RPAP2: variants seen among roughly 807,000 people sequenced by gnomAD.
The protein encoded by RPAP2 is putative RNA polymerase II subunit B1 CTD phosphatase RPAP2.
A neutral mutation model predicts 73.1 loss-of-function variants in RPAP2; 52 were observed. That is an observed-to-expected ratio of 0.71 (90% CI 0.57 to 0.90). The LOEUF (loss-of-function observed/expected upper bound fraction) is 0.90. Ranked by LOEUF, RPAP2 falls within the 40% of genes least tolerant of loss-of-function variation. RPAP2 has a pLI of 0.00. For missense variants in RPAP2, 598 were observed against 701.8 expected (o/e 0.85, Z 1.67); for synonymous variants, 225 against 242.1 (o/e 0.93, Z 0.65).
chr1:92,329,575 T>G (rs2101208836), intron 8 of RPAP2, among the ~76,000 whole-genome samples: 1 of 152,286 alleles, frequency 6.6e-6, no homozygotes, highest in South Asian at 2.1e-4. Context: ...TTCTGGTATG[T>G]TTCTGCGGTA....
At chr1:92,356,717 G>A (rs917572147) in intron 11 of RPAP2, among the ~76,000 whole-genome samples, 1 of 150,798 alleles carries the variant, frequency 6.6e-6, no homozygotes, top group African/African-American at 2.4e-5. Flanking sequence ...TTACAGGCAT[G>A]AGCCACCACA....
chr1:92,356,081 C>G (rs944689733), intron 11 of RPAP2, among the ~76,000 whole-genome samples: 11 of 152,042 alleles, frequency 7.2e-5, no homozygotes, highest in African/African-American at 2.7e-4. Context: ...TTACAGAATC[C>G]TCACTCCAAC....
intron 12 of RPAP2, among the ~76,000 whole-genome samples, chr1:92,382,233 T>A (rs1655673862): frequency 6.6e-6 from 1 of 152,220 alleles, no homozygotes; most frequent in South Asian, 2.1e-4. Flanking sequence ...TAAACATATG[T>A]GTGCATGTGT....
At chr1:92,343,924 A>G (rs1467066937) in intron 10 of RPAP2, among the ~76,000 whole-genome samples, 1 of 152,170 alleles carries the variant, frequency 6.6e-6, no homozygotes, top group East Asian at 1.9e-4. Context: ...TTTCAGATGG[A>G]CGGAATAGCT....
chr1:92,307,340 G>T, intron 6 of RPAP2, 64 bp downstream of exon 6: 1 of 1,072,834 alleles, frequency 9.3e-7, no homozygotes, highest in Non-Finnish European at 1.4e-6. Flanking sequence ...TCTGCTTTTT[G>T]AGATTAGCTG....
At chr1:92,365,423 T>C (rs1654895552) in intron 11 of RPAP2, among the ~76,000 whole-genome samples, 1 of 152,146 alleles carries the variant, frequency 6.6e-6, no homozygotes, top group Non-Finnish European at 1.5e-5. Context: ...GATTCAAAGA[T>C]TTTGATTCAT....
intron 11 of RPAP2, among the ~76,000 whole-genome samples, chr1:92,362,288 C>G (rs1338777260): frequency 6.6e-6 from 1 of 152,180 alleles, no homozygotes; most frequent in Non-Finnish European, 1.5e-5. Context: ...CTTCCTGCCT[C>G]TGGCTTTTCT....
At chr1:92,364,523 C>G (rs1654858307) in intron 11 of RPAP2, among the ~76,000 whole-genome samples, 1 of 151,966 alleles carries the variant, frequency 6.6e-6, no homozygotes, top group Admixed American at 6.6e-5. Flanking sequence ...TGCTGGGCAC[C>G]TTCATTTGGA....
Position 92,388,173 on chromosome 1 carries a change from A to C in RPAP2, c.*1162A>C, listed in dbSNP as rs955670278. 1.3e-5 allele frequency: 2 copies of C among 152,250 alleles called. No homozygotes were observed. The highest frequency in any genetic ancestry group is 2.9e-5 in the Non-Finnish European group (2 of 68,050). The allele number at this position is 152,250 out of a possible 1,614,324, so 9.4% of individuals were successfully genotyped here. ...AAATAAAGAAAATTGTGTTCACAAT[A>C]TCACCAAAGAGAATTAAATACTTAG... On this transcript the variant is annotated 3_prime_UTR_variant, in exon 13 of 13. Transcript: ENST00000610020.
chr1:92,332,880 C>T (rs903234115), intron 8 of RPAP2, among the ~76,000 whole-genome samples: 1 of 152,102 alleles, frequency 6.6e-6, no homozygotes. Context: ...TTTATAGCCT[C>T]GTTAGCTCTC....
chr1:92,378,816 C>T (rs144524367), intron 11 of RPAP2, among the ~76,000 whole-genome samples: 2 of 152,276 alleles, frequency 1.3e-5, no homozygotes, highest in East Asian at 3.9e-4. Context: ...TTGGGTAGTC[C>T]TATTTCTCAG....
intron 8 of RPAP2, among the ~76,000 whole-genome samples, chr1:92,326,098 T>C (rs2101191555): frequency 6.6e-6 from 1 of 152,088 alleles, no homozygotes; most frequent in African/African-American, 2.4e-5. Flanking sequence ...TACTAGATAA[T>C]GCCAAACAGT....
At chr1:92,339,159 A>G (rs1009606640) in intron 10 of RPAP2, among the ~76,000 whole-genome samples, 13 of 152,210 alleles carry the variant, frequency 8.5e-5, no homozygotes, top group Non-Finnish European at 1.2e-4. Context: ...TCTTTTTTAA[A>G]AAACTATTCT....
chr1:92,330,439 ATTTTTT>A (rs35101382), intron 8 of RPAP2, among the ~76,000 whole-genome samples: 3 of 61,450 alleles, frequency 4.9e-5, no homozygotes, highest in South Asian at 9.8e-4. Context: ...TGGGTTGTCA[ATTTTTT>A]TTTTTTTTTT....
intron 11 of RPAP2, among the ~76,000 whole-genome samples, chr1:92,370,504 A>G (rs970234469): frequency 6.6e-6 from 1 of 152,220 alleles, no homozygotes; most frequent in African/African-American, 2.4e-5. Context: ...AGAAAATAAA[A>G]TCCTGCAAGA....
intron 12 of RPAP2, among the ~76,000 whole-genome samples, chr1:92,386,039 G>C (rs1655852231): frequency 6.6e-6 from 1 of 152,164 alleles, no homozygotes. Context: ...CTAATCCCCT[G>C]CCCATAGGCC....
intron 11 of RPAP2, among the ~76,000 whole-genome samples, chr1:92,373,938 C>T (rs1486844283): frequency 1.3e-5 from 2 of 151,654 alleles, no homozygotes; most frequent in Non-Finnish European, 2.9e-5. Context: ...ATAATTAAAG[C>T]TGTATGTAAT....
chr1:92,337,037 A>G (rs971690753), intron 10 of RPAP2, among the ~76,000 whole-genome samples: 1 of 152,158 alleles, frequency 6.6e-6, no homozygotes, highest in Admixed American at 6.5e-5. Context: ...AAGCATAGCA[A>G]TAAGCCTCTA....
chr1:92,381,893 T>C (rs946265487), intron 12 of RPAP2, among the ~76,000 whole-genome samples: 31 of 151,758 alleles, frequency 2.0e-4, no homozygotes, highest in African/African-American at 7.3e-4. Flanking sequence ...TAACATTAGG[T>C]ATATCTCCTA....
Sources: allele counts gnomAD v4.1 joint callset (sites outside exome capture counted in the v4.1 genomes callset), GRCh38; gene constraint gnomAD v4.1.1; transcripts MANE v1.5; gene names NCBI Gene and HGNC (gene_info 2026-07-23, HGNC 2026-07-21).